TMA16: variants seen among roughly 807,000 people sequenced by gnomAD.
TMA16 encodes translation machinery associated 16 homolog.
Under a neutral mutation model 27.1 loss-of-function variants are expected in TMA16, and 26 were observed. That is an observed-to-expected ratio of 0.96 (90% CI 0.70 to 1.33). The LOEUF is 1.33. TMA16 is among the 40% of genes most tolerant of loss of function. The pLI is 0.00. For missense variants in TMA16, 233 were observed against 241.4 expected (o/e 0.97, Z 0.23); for synonymous variants, 71 against 81.9 (o/e 0.87, Z 0.72).
At chr4:163,496,601 T>A (rs1051928681) in intron 1 of TMA16, among the ~76,000 whole-genome samples, 4 of 152,148 alleles carry the variant, frequency 2.6e-5, no homozygotes, top group African/African-American at 7.2e-5. Flanking sequence ...GTTTATTATT[T>A]TTTATTTTTT....
rs553827506 is a variant in TMA16, at chr4:163,499,995, T to C, written c.3+5191T>C. 6.6e-5 allele frequency among the ~76,000 whole-genome samples: 10 copies of C among 152,272 alleles called. 1 individual carries two copies. The highest frequency in any genetic ancestry group is 2.1e-4 in the South Asian group (1 of 4,832). On this transcript the variant is annotated intron_variant, in intron 1 of 6. Coordinates refer to ENST00000358572, the MANE Select transcript of TMA16 (RefSeq NM_018352.3). ...TTACTTTGTTACATAATATACACTT[T>C]AAGGAATTTTCTTTTTTGTGCGTGT...
At chr4:163,508,375 G>A (rs1169256233) in intron 2 of TMA16, among the ~76,000 whole-genome samples, 1 of 152,072 alleles carries the variant, frequency 6.6e-6, no homozygotes, top group Admixed American at 6.6e-5. Context: ...GTTGCTGCTG[G>A]TTTAGGGACC....
intron 2 of TMA16, among the ~76,000 whole-genome samples, chr4:163,510,969 T>A (rs1737784142): frequency 6.6e-6 from 1 of 152,196 alleles, no homozygotes; most frequent in South Asian, 2.1e-4. Context: ...CATTTTTCTT[T>A]TACTTCCTAG....
intron 1 of TMA16, among the ~76,000 whole-genome samples, chr4:163,503,102 A>G (rs901512057): frequency 1.3e-5 from 2 of 152,220 alleles, no homozygotes; most frequent in African/African-American, 4.8e-5. Flanking sequence ...GCAATAGGCT[A>G]TGCCATAGAG....
intron 4 of TMA16, 80 bp downstream of exon 4, chr4:163,514,238 T>G (rs1463831576): frequency 8.6e-7 from 1 of 1,166,464 alleles, no homozygotes; most frequent in Non-Finnish European, 1.2e-6. Context: ...AGAGCTCTGT[T>G]ACGGATTTGC....
intron 1 of TMA16, among the ~76,000 whole-genome samples, chr4:163,498,539 G>A (rs1248083421): frequency 6.6e-6 from 1 of 151,962 alleles, no homozygotes; most frequent in Non-Finnish European, 1.5e-5. Context: ...TGCCCGCCTC[G>A]GCCTCCCAAA....
At position 163,494,727 on chromosome 4, in the gene TMA16, G is replaced by A. The variant is rs1008471360; in HGVS notation, c.-75G>A. The A allele has an allele frequency of 3.7e-6, 6 of 1,608,724 alleles. No homozygotes were observed. Among genetic ancestry groups the A allele is most frequent in the Admixed American group, 1.7e-5 (1 of 59,960 alleles). On this transcript the variant is annotated 5_prime_UTR_variant, in exon 1 of 7. Coordinates refer to ENST00000358572, the MANE Select transcript of TMA16 (RefSeq NM_018352.3). ...GGATTCGGCCCGGGTGCTCTTGTGA[G>A]CTGCTGCTCCTGCGGTTGGTGAGAT...
intron 5 of TMA16, chr4:163,517,211 T>A: frequency 1.9e-6 from 1 of 527,626 alleles, no homozygotes; most frequent in Non-Finnish European, 3.3e-6. Context: ...CTAATAGCTT[T>A]GTTTTATTTC....
At chr4:163,510,849 A>T (rs1737782380) in intron 2 of TMA16, among the ~76,000 whole-genome samples, 1 of 152,216 alleles carries the variant, frequency 6.6e-6, no homozygotes, top group Non-Finnish European at 1.5e-5. Context: ...CCAAAGCCTA[A>T]AATGTGACTA....
intron 1 of TMA16, 133 bp downstream of exon 1, chr4:163,494,937 T>C (rs1322867997): frequency 7.5e-7 from 1 of 1,335,228 alleles, no homozygotes; most frequent in South Asian, 1.3e-5. Context: ...TTTCAGGGAG[T>C]GTGCGGGGTG....
chr4:163,497,122 A>G (rs1404802661), intron 1 of TMA16, among the ~76,000 whole-genome samples: 1 of 152,212 alleles, frequency 6.6e-6, no homozygotes, highest in Admixed American at 6.5e-5. Flanking sequence ...ATCCATGCAC[A>G]TTACTGTGGG....
chr4:163,504,825 G>C (rs1737698250), intron 1 of TMA16, among the ~76,000 whole-genome samples: 1 of 152,088 alleles, frequency 6.6e-6, no homozygotes, highest in Non-Finnish European at 1.5e-5. Flanking sequence ...GCTTGCTGTT[G>C]GTAGGATTGT....
At chr4:163,510,575 T>A (rs1429954132) in intron 2 of TMA16, among the ~76,000 whole-genome samples, 3 of 152,230 alleles carry the variant, frequency 2.0e-5, no homozygotes, top group African/African-American at 7.2e-5. Context: ...TCTTTCCTTT[T>A]ATTGGGAGTA....
chr4:163,510,707 G>A (rs1448542935), intron 2 of TMA16, among the ~76,000 whole-genome samples: 1 of 152,174 alleles, frequency 6.6e-6, no homozygotes, highest in Non-Finnish European at 1.5e-5. Context: ...AGGTCGGCAA[G>A]CTAAGGCATT....
At chr4:163,499,234 TTAACTC>T (rs2110789040) in intron 1 of TMA16, among the ~76,000 whole-genome samples, 1 of 152,332 alleles carries the variant, frequency 6.6e-6, no homozygotes, top group African/African-American at 2.4e-5. Flanking sequence ...CTTAAGATAA[TTAACTC>T]TTTTGTTTGT....
At chr4:163,517,267 G>A in intron 5 of TMA16, 167 bp from the exon 6 acceptor site, 1 of 624,208 alleles carries the variant, frequency 1.6e-6, no homozygotes, top group Non-Finnish European at 2.8e-6. Flanking sequence ...TTTTTCTTAA[G>A]TCATCTTAAA....
At chr4:163,518,990 A>G (rs890214892) in intron 6 of TMA16, among the ~76,000 whole-genome samples, 2 of 152,146 alleles carry the variant, frequency 1.3e-5, no homozygotes, top group African/African-American at 4.8e-5. Context: ...ATTTTCCATT[A>G]TAAGAATAAC....
chr4:163,495,826 A>C (rs1280195411), intron 1 of TMA16, among the ~76,000 whole-genome samples: 1 of 151,988 alleles, frequency 6.6e-6, no homozygotes, highest in Non-Finnish European at 1.5e-5. Context: ...TCCACTGCTG[A>C]CGCATATTTT....
In TMA16 at chr4:163,512,984, T is replaced by C. The variant is rs558526752; in HGVS notation, c.154+125T>C. On this transcript the variant is annotated intron_variant, in intron 3 of 6. Coordinates refer to ENST00000358572, the MANE Select transcript of TMA16 (RefSeq NM_018352.3). ...TCAAAGTGAATTTGATCAGACTTGA[T>C]CTAAACAAAGCAAATCAATCATTAA... 2.9e-5 allele frequency: 19 copies of C among 651,238 alleles called. No homozygotes were observed. In the South Asian group the frequency reaches 4.3e-4, roughly 15 times the overall value. The allele number at this position is 651,238 out of a possible 1,614,324, so 40.3% of individuals were successfully genotyped here. A position where few individuals can be genotyped will look rare whatever the true frequency, so the allele number is the denominator to read the frequency against.
Sources: allele counts gnomAD v4.1 joint callset (sites outside exome capture counted in the v4.1 genomes callset), GRCh38; gene constraint gnomAD v4.1.1; transcripts MANE v1.5; gene names NCBI Gene and HGNC (gene_info 2026-07-23, HGNC 2026-07-21).